PLAT: variants seen among roughly 807,000 people sequenced by gnomAD.
PLAT encodes tissue-type plasminogen activator.
In PLAT, 48 loss-of-function variants were observed where a neutral mutation model predicts 74.9. That is an observed-to-expected ratio of 0.64 (90% CI 0.51 to 0.82). The LOEUF (loss-of-function observed/expected upper bound fraction) is 0.82, where lower values mean the gene tolerates loss of function less well. Among genes scored for constraint, PLAT ranks in the 40% least tolerant of loss-of-function variants. The pLI is 0.00. For missense variants in PLAT, 673 were observed against 736.2 expected (o/e 0.91, Z 0.99); for synonymous variants, 307 against 294.4 (o/e 1.04, Z -0.44).
chr8:42,185,347 T>C, intron 6 of PLAT, 175 bp from the exon 7 acceptor site: 1 of 431,598 alleles, frequency 2.3e-6, no homozygotes, highest in Admixed American at 4.2e-5. Flanking sequence ...CACTGCAACC[T>C]CCGTTTCCTG....
At chr8:42,180,091 G>A (rs373577648) in intron 11 of PLAT, 25 bp from the exon 12 acceptor site, 5 of 1,598,038 alleles carry the variant, frequency 3.1e-6, no homozygotes, top group Non-Finnish European at 4.3e-6. Context: ...GGAGGAGTGA[G>A]CTGGCGTGAG....
At chr8:42,204,368 T>A (rs1390780159) in intron 1 of PLAT, among the ~76,000 whole-genome samples, 1 of 152,082 alleles carries the variant, frequency 6.6e-6, no homozygotes, top group African/African-American at 2.4e-5. Context: ...AACAATCTCA[T>A]CAAAGCAGAA....
In PLAT at chr8:42,187,468, C is replaced by A. The variant is rs767112401; in HGVS notation, c.469G>T (p.Ala157Ser). The change falls in exon 6 of 14, where the codon GCC (alanine) becomes TCC (serine). Residue 157 changes from alanine (A) to serine (S), a missense_variant. Coordinates refer to ENST00000220809, the MANE Select transcript of PLAT (RefSeq NM_000930.5). ...CTCCGCCCGCTGTAGGGCTTCTGGG[C>A]CAACGCGCTGCTGTTCCAGTTGGTG... ...ECTNWNSSAL[A>S]QKPYSGRRPD... 2 of 1,608,116 alleles carry A rather than the reference C, an allele frequency of 1.2e-6. No individual in the cohort carries two copies. Among genetic ancestry groups the A allele is most frequent in the African/African-American group, 1.3e-5 (1 of 74,946 alleles).
chr8:42,181,802 C>T (rs1587930049), intron 9 of PLAT, 135 bp downstream of exon 9: 1 of 473,976 alleles, frequency 2.1e-6, no homozygotes, highest in East Asian at 3.9e-5. Context: ...GTCATGGAAG[C>T]CCCCTCCCCA....
At chr8:42,176,206 AAGTC>A (rs1804968996) in intron 13 of PLAT, 55 bp from the exon 14 acceptor site, 3 of 1,394,870 alleles carry the variant, frequency 2.2e-6, no homozygotes, top group African/African-American at 1.4e-5. Context: ...TATCTGGAGA[AAGTC>A]AGTATGTGTA....
chr8:42,178,443 T>C (rs1176478516), intron 13 of PLAT, among the ~76,000 whole-genome samples: 6 of 152,132 alleles, frequency 3.9e-5, no homozygotes, highest in Non-Finnish European at 7.4e-5. Flanking sequence ...GCTAATTTTG[T>C]ATTTTTAGTA....
intron 9 of PLAT, among the ~76,000 whole-genome samples, chr8:42,181,149 C>T (rs1289238051): frequency 6.6e-6 from 1 of 152,230 alleles, no homozygotes; most frequent in African/African-American, 2.4e-5. Flanking sequence ...GGACACGGAC[C>T]ACTGAGGACT....
intron 1 of PLAT, among the ~76,000 whole-genome samples, chr8:42,204,955 G>C (rs1173696759): frequency 6.6e-6 from 1 of 152,152 alleles, no homozygotes; most frequent in African/African-American, 2.4e-5. Context: ...AAGCCAAAGG[G>C]AAAAGCCAAG....
chr8:42,180,101 G>A (rs1381800687), intron 11 of PLAT, 35 bp from the exon 12 acceptor site: 1 of 1,593,826 alleles, frequency 6.3e-7, no homozygotes, highest in East Asian at 2.2e-5. Flanking sequence ...GCTGGCGTGA[G>A]GGCCGCGTCC....
chr8:42,185,015 G>A (rs1333289601), intron 7 of PLAT, 66 bp downstream of exon 7: 18 of 1,082,834 alleles, frequency 1.7e-5, no homozygotes, highest in South Asian at 3.1e-5. Context: ...GAGGGCTATC[G>A]GCCTGTCCTC....
chr8:42,189,694 G>A (rs905561559), intron 3 of PLAT, among the ~76,000 whole-genome samples: 1 of 150,888 alleles, frequency 6.6e-6, no homozygotes, highest in African/African-American at 2.4e-5. Context: ...CACCTCCTGG[G>A]TTCAAGTGAT....
chr8:42,176,111 C>T lies in PLAT; in HGVS notation c.1571G>A (p.Arg524His), dbSNP rs201967222. Residue 524 changes from arginine to histidine, a missense_variant, in exon 14 of 14, where the codon CGC becomes CAC. Arg to His is a conservative substitution (Grantham distance 29). Coordinates refer to ENST00000220809, the MANE Select transcript of PLAT (RefSeq NM_000930.5). ...GCTGATGATGCCCACCAAAGTCATG[C>T]GGCCATCGTTCAGACACACCAGGGG... Reference protein sequence around the residue: ...GGPLVCLNDGRMTLVGIISWG... With the variant: ...GGPLVCLNDGHMTLVGIISWG... 22 of 1,613,622 alleles carry T rather than the reference C, an allele frequency of 1.4e-5. No homozygotes were observed. The highest frequency in any genetic ancestry group is 5.3e-5 in the African/African-American group (4 of 75,022).
At chr8:42,183,627 G>C (rs765990307) in intron 7 of PLAT, among the ~76,000 whole-genome samples, 10 of 152,096 alleles carry the variant, frequency 6.6e-5, no homozygotes, top group Admixed American at 1.3e-4. Context: ...ATGAGCCGTG[G>C]AGTGCTGCCT....
At chr8:42,201,990 G>A (rs570010854) in intron 1 of PLAT, among the ~76,000 whole-genome samples, 1 of 152,304 alleles carries the variant, frequency 6.6e-6, no homozygotes, top group South Asian at 2.1e-4. Context: ...AGAATAACCA[G>A]CAGAAATCAA....
intron 4 of PLAT, 130 bp downstream of exon 4, chr8:42,188,804 G>T: frequency 1.4e-6 from 1 of 726,594 alleles, no homozygotes; most frequent in Non-Finnish European, 2.3e-6. Flanking sequence ...TTTATTTTTT[G>T]TAGAGACAGG....
chr8:42,191,850 G>T (rs732612), intron 2 of PLAT, among the ~76,000 whole-genome samples: 78,603 of 151,668 alleles, frequency 0.52, 20,777 homozygotes, highest in South Asian at 0.57. Flanking sequence ...AGGGTCCTGT[G>T]GGAGAGGTGT....
At chr8:42,191,501 C>T in intron 2 of PLAT, 87 bp from the exon 3 acceptor site, 2 of 1,216,834 alleles carry the variant, frequency 1.6e-6, no homozygotes, top group Non-Finnish European at 1.2e-6. Flanking sequence ...CCCATGTGAA[C>T]CTGCCGGCCA....
chr8:42,176,612 C>G (rs1473454785), intron 13 of PLAT, among the ~76,000 whole-genome samples: 1 of 152,262 alleles, frequency 6.6e-6, no homozygotes, highest in Non-Finnish European at 1.5e-5. Context: ...TCTGTCTAGT[C>G]TGTGCTAAAT....
intron 3 of PLAT, among the ~76,000 whole-genome samples, chr8:42,189,324 C>G (rs1443039445): frequency 1.3e-5 from 2 of 151,898 alleles, no homozygotes; most frequent in African/African-American, 4.8e-5. Context: ...TCGAGACCAG[C>G]CTGGCCAACA....
Sources: allele counts gnomAD v4.1 joint callset (sites outside exome capture counted in the v4.1 genomes callset), GRCh38; gene constraint gnomAD v4.1.1; transcripts MANE v1.5; gene names NCBI Gene and HGNC (gene_info 2026-07-23, HGNC 2026-07-21).